The following SVIL variants were observed in gnomAD, a reference collection of about 807,000 sequenced individuals.
SVIL encodes archvillin.
Under a neutral mutation model 240.4 loss-of-function variants are expected in SVIL, and 101 were observed. The ratio of observed to expected loss-of-function variants is 0.42; its 90% CI spans 0.36 to 0.50. SVIL has a LOEUF of 0.50. Ranked by LOEUF, SVIL falls within the 20% of genes least tolerant of loss-of-function variation. The pLI, the probability that SVIL is intolerant of heterozygous loss-of-function variation, is 0.01. For synonymous variants in SVIL, 999 were observed against 1,100.0 expected, an observed-to-expected ratio of 0.91 and a Z score of 1.82; for missense variants, 2,512 against 2,818.7, an observed-to-expected ratio of 0.89 and a Z score of 2.46.
chr10:29,557,619 A>G (rs1362462220), intron 3 of SVIL, among the ~76,000 whole-genome samples: 1 of 152,186 alleles, frequency 6.6e-6, no homozygotes, highest in Non-Finnish European at 1.5e-5. Flanking sequence ...AAAGATTACA[A>G]CAGTGCATGG....
At chr10:29,538,245 C>A (rs1011699820) in intron 6 of SVIL, among the ~76,000 whole-genome samples, 1 of 152,170 alleles carries the variant, frequency 6.6e-6, no homozygotes, top group East Asian at 1.9e-4. Flanking sequence ...TCAATATCAC[C>A]GTCAAACTCC....
intron 1 of SVIL, among the ~76,000 whole-genome samples, chr10:29,617,588 AAAAG>A (rs1049202482): frequency 2.6e-5 from 4 of 152,032 alleles, no homozygotes; most frequent in Admixed American, 1.3e-4. Context: ...TAAAAAAAAA[AAAAG>A]AAAGAAAGAA....
Position 29,493,295 on chromosome 10 carries a change from C to A in SVIL, c.3938G>T (p.Arg1313Leu). The A allele has an allele frequency of 6.2e-7, 1 of 1,614,132 alleles. No homozygotes were observed. The highest frequency in any genetic ancestry group is 8.5e-7 in the Non-Finnish European group (1 of 1,180,038). ...TCTTGGCATATTATAATCCACGCTGCGGTAAAATTTGGCAAAGGTTTCATC... is the reference window on the plus strand; with the variant it reads ...TCTTGGCATATTATAATCCACGCTGAGGTAAAATTTGGCAAAGGTTTCATC... ...DDDETFAKFY[R>L]SVDYNMPRSP... Residue 1313 changes from arginine (R) to leucine (L), a missense_variant, in exon 21 of 38, where the codon CGC (arginine) becomes CTC (leucine). Arg to Leu is a moderately radical substitution (Grantham distance 102). Around this residue, in one of 3 missense-constraint regions of SVIL, gnomAD observed 272 missense variants for 406.8 expected, o/e 0.67. Transcript: ENST00000355867.
At chr10:29,607,336 G>A (rs754663685) in intron 1 of SVIL, among the ~76,000 whole-genome samples, 3 of 152,136 alleles carry the variant, frequency 2.0e-5, no homozygotes, top group Non-Finnish European at 4.4e-5. Flanking sequence ...ATAACTGGCA[G>A]CTCTTGCTTA....
At position 29,484,736 on chromosome 10, in the gene SVIL, G is replaced by A; in HGVS notation, c.4875C>T (p.His1625=). Residue 1625 remains histidine, a synonymous_variant, in exon 27 of 38, where the codon CAC becomes CAT. Coordinates refer to ENST00000355867, the MANE Select transcript of SVIL (RefSeq NM_021738.3). The surrounding 1 kb of genome is among the most constrained non-coding windows in gnomAD (Gnocchi z 4.7). The part of the protein sequence containing the change: ...QRKIAFQLAK[H]LWNGTFDYEN... ...CATAGTCAAAGGTTCCATTCCATAA[G>A]TGCTTTGCCAGCTGAAATGCTATTT... 3.1e-6 allele frequency: 5 copies of A among 1,614,054 alleles called. No individual in the cohort carries two copies. The highest frequency in any genetic ancestry group is 4.2e-6 in the Non-Finnish European group (5 of 1,179,978).
chr10:29,697,017 G>A (rs1479763106), intron 1 of SVIL, among the ~76,000 whole-genome samples: 3 of 137,798 alleles, frequency 2.2e-5, no homozygotes, highest in Non-Finnish European at 4.8e-5. Context: ...AGGGAGGTGG[G>A]GGGCTCAGCC....
intron 1 of SVIL, among the ~76,000 whole-genome samples, chr10:29,589,871 TA>T (rs1399612617): frequency 1.3e-5 from 2 of 152,098 alleles, no homozygotes; most frequent in Non-Finnish European, 2.9e-5. Flanking sequence ...TTGTTCTCAC[TA>T]AAAATAATGT....
chr10:29,693,271 A>G lies in SVIL; in HGVS notation c.-399-6620T>C, dbSNP rs965777429. On this transcript the variant is annotated intron_variant, in intron 1 of 35. Transcript: ENST00000375400. ...TGGCCCGAATCCATAATTCTCAAGC[A>G]TGACACTATAGGACCTCTGTTTTGT... Among the ~76,000 whole-genome samples, 10 of 146,906 alleles carry G rather than the reference A, an allele frequency of 6.8e-5. No individual in the cohort carries two copies. The Admixed American group carries it at 7.0e-4, about 10-fold the overall frequency.
intron 32 of SVIL, among the ~76,000 whole-genome samples, chr10:29,469,779 G>T (rs1434914803): frequency 2.0e-5 from 3 of 152,228 alleles, no homozygotes; most frequent in Non-Finnish European, 4.4e-5. Flanking sequence ...CCCGGGAAGT[G>T]CCCGGAGAGT....
chr10:29,554,072 AT>A (rs1301054836), intron 5 of SVIL, among the ~76,000 whole-genome samples: 1 of 152,192 alleles, frequency 6.6e-6, no homozygotes, highest in Non-Finnish European at 1.5e-5. Context: ...GAGGGGAATC[AT>A]TTCATACTGC....
At chr10:29,523,340 G>C (rs774743501) in intron 15 of SVIL, 111 bp downstream of exon 15, 10 of 960,778 alleles carry the variant, frequency 1.0e-5, no homozygotes, top group Non-Finnish European at 1.5e-5. Flanking sequence ...ACCAATACTA[G>C]CTGTAAACTG....
intron 1 of SVIL, among the ~76,000 whole-genome samples, chr10:29,603,225 C>T (rs1226943063): frequency 2.0e-5 from 3 of 151,816 alleles, no homozygotes; most frequent in Admixed American, 6.6e-5. Context: ...CCCACAAACC[C>T]TGCCCTCCCC....
intron 6 of SVIL, among the ~76,000 whole-genome samples, chr10:29,537,073 T>C (rs1951797784): frequency 6.6e-6 from 1 of 151,990 alleles, no homozygotes; most frequent in African/African-American, 2.4e-5. Flanking sequence ...AAAAATAGCA[T>C]CTATGTAAAA....
At chr10:29,708,207 G>A (rs182264544) in intron 1 of SVIL, among the ~76,000 whole-genome samples, 50 of 130,204 alleles carry the variant, frequency 3.8e-4, no homozygotes, top group Middle Eastern at 5.7e-3. Context: ...GCAGTGAGCC[G>A]ATATTGTGCC....
At chr10:29,679,485 G>T (rs1470024773) in intron 2 of SVIL, among the ~76,000 whole-genome samples, 17 of 151,766 alleles carry the variant, frequency 1.1e-4, no homozygotes. Context: ...AAAACCAAAA[G>T]CATTGAGTAC....
chr10:29,616,576 CAAAATAT>C (rs1348871772), intron 1 of SVIL, among the ~76,000 whole-genome samples: 1 of 152,184 alleles, frequency 6.6e-6, no homozygotes, highest in Non-Finnish European at 1.5e-5. Flanking sequence ...TATACCATTT[CAAAATAT>C]GCCACTCTGG....
At position 29,471,145 on chromosome 10, in the gene SVIL, A is replaced by G. The variant is rs373862622; in HGVS notation, c.5628T>C (p.Asn1876=). 3.0e-5 allele frequency: 49 copies of G among 1,613,128 alleles called. No homozygotes were observed. Among genetic ancestry groups the G allele is most frequent in the Non-Finnish European group, 4.0e-5 (47 of 1,179,706 alleles). Residue 1876 remains asparagine, a synonymous_variant, in exon 31 of 38, where the codon AAT becomes AAC. Coordinates refer to ENST00000355867, the MANE Select transcript of SVIL (RefSeq NM_021738.3). ...GCAGTAAAAGTGACTTACTTTGCAC[A>G]TTTTCTTCTTCCTCTTCCCGCCTCC... is the stretch of plus-strand genomic sequence containing the variant. The part of the protein sequence containing the change: ...HSGRREEEEE[N]VQSEWRLYCV...
chr10:29,598,816 C>T (rs530226859), intron 1 of SVIL, among the ~76,000 whole-genome samples: 25 of 152,312 alleles, frequency 1.6e-4, no homozygotes, highest in Non-Finnish European at 2.9e-4. Flanking sequence ...CAAACCTTGG[C>T]CACAGCGGCT....
upstream of SVIL, among the ~76,000 whole-genome samples, chr10:29,638,762 A>G (rs1958390725): frequency 6.6e-6 from 1 of 152,230 alleles, no homozygotes; most frequent in South Asian, 2.1e-4. Context: ...GTGTTTATTT[A>G]GCAGGCTGTG....
Sources: gnomAD v4.1 joint callset for allele counts (sites outside exome capture counted in the v4.1 genomes callset) on GRCh38, gnomAD v4.1.1 for gene constraint, gnomAD v4.1.1 regional missense constraint, Gnocchi (gnomAD v3.1) non-coding constraint, MANE v1.5 for transcripts, NCBI Gene and HGNC (gene_info 2026-07-23, HGNC 2026-07-21) for gene names.